Variants in GUCY2C observed in about 807,000 individuals in gnomAD.
The protein encoded by GUCY2C is guanylyl cyclase C.
In GUCY2C, 118 loss-of-function variants were observed where a neutral mutation model predicts 131.1. The ratio of observed to expected loss-of-function variants is 0.90; its 90% CI spans 0.78 to 1.05. GUCY2C has a LOEUF of 1.05. GUCY2C is among the 50% of genes least tolerant of loss of function. The pLI is 0.00. For synonymous variants in GUCY2C, 452 were observed against 457.8 expected (o/e 0.99, Z 0.16); for missense variants, 1,161 against 1,304.4 (o/e 0.89, Z 1.69).
chr12:14,671,462 CTCTT>C (rs1948109177), intron 9 of GUCY2C, among the ~76,000 whole-genome samples: 1 of 152,138 alleles, frequency 6.6e-6, no homozygotes, highest in Admixed American at 6.6e-5. Flanking sequence ...CATAACTTTA[CTCTT>C]TCTTTCTTTT....
At chr12:14,656,756 A>C in intron 11 of GUCY2C, 139 bp from the exon 12 acceptor site, 1 of 494,014 alleles carries the variant, frequency 2.0e-6, no homozygotes, top group Non-Finnish European at 3.7e-6. Flanking sequence ...ACAGAACACC[A>C]TGTCCTCCAA....
chr12:14,656,757 T>C (rs1947771084), intron 11 of GUCY2C, 140 bp from the exon 12 acceptor site: 1 of 495,538 alleles, frequency 2.0e-6, no homozygotes, highest in South Asian at 3.7e-5. Context: ...CAGAACACCA[T>C]GTCCTCCAAA....
chr12:14,624,756 A>G (rs1291995031), intron 21 of GUCY2C, among the ~76,000 whole-genome samples: 1 of 152,254 alleles, frequency 6.6e-6, no homozygotes, highest in Non-Finnish European at 1.5e-5. Context: ...AAATCCAATA[A>G]AAACATCTAC....
chr12:14,616,974 A>C (rs1467695100), intron 24 of GUCY2C, among the ~76,000 whole-genome samples: 1 of 152,070 alleles, frequency 6.6e-6, no homozygotes, highest in African/African-American at 2.4e-5. Context: ...CTGGCCCCCG[A>C]CCAGGTGTCT....
intron 16 of GUCY2C, 66 bp from the exon 17 acceptor site, chr12:14,643,772 G>GA (rs1220702406): frequency 6.9e-7 from 1 of 1,441,166 alleles, no homozygotes; most frequent in East Asian, 2.3e-5. Context: ...TTATTTTAAA[G>GA]AAAAAAGTGA....
At chr12:14,618,032 C>T (rs190859033) in intron 24 of GUCY2C, among the ~76,000 whole-genome samples, 36 of 152,274 alleles carry the variant, frequency 2.4e-4, no homozygotes, top group African/African-American at 7.5e-4. Context: ...CCTGTGGTTT[C>T]GTAAGCCCCA....
intron 10 of GUCY2C, among the ~76,000 whole-genome samples, chr12:14,661,671 G>T (rs1244448658): frequency 6.6e-6 from 1 of 152,054 alleles, no homozygotes; most frequent in Admixed American, 6.5e-5. Flanking sequence ...GGCCTCAAGC[G>T]ATCCGCCAAC....
intron 1 of GUCY2C, among the ~76,000 whole-genome samples, chr12:14,692,890 T>A (rs978290899): frequency 2.0e-5 from 3 of 152,070 alleles, no homozygotes; most frequent in Non-Finnish European, 2.9e-5. Flanking sequence ...ACCAAAATAT[T>A]TGAGAATGGC....
rs142982970 is a variant in GUCY2C at position 14,696,551 on chromosome 12, C to T, written c.-103G>A. The T allele has an allele frequency of 1.6e-4, 126 of 792,410 alleles. No homozygotes were observed. In the African/African-American group the frequency reaches 2.0e-3, roughly 12 times the overall value. 49.1% of individuals were successfully genotyped at this position (792,410 alleles called of 1,614,324 possible). A position where few individuals can be genotyped will look rare whatever the true frequency, so the allele number is the denominator to read the frequency against. On this transcript the variant is annotated 5_prime_UTR_variant, in exon 1 of 27. Transcript: ENST00000261170. ...CAGATGGACAGCCTCTAGTGGAGTC[C>T]CTCAGCCCACTCTTCCCCACGCTTC...
chr12:14,654,769 G>A (rs1202596940), intron 12 of GUCY2C, among the ~76,000 whole-genome samples: 4 of 152,140 alleles, frequency 2.6e-5, no homozygotes, highest in African/African-American at 9.7e-5. Context: ...GAGGTGGAGC[G>A]TGTGGGAGCC....
In GUCY2C at chr12:14,643,625, C is replaced by A. The variant is rs1340130610; in HGVS notation, c.1879G>T (p.Val627Leu). The A allele has an allele frequency of 1.2e-6, 2 of 1,613,622 alleles. No homozygotes were observed. The highest frequency in any genetic ancestry group is 1.7e-6 in the Non-Finnish European group (2 of 1,179,550). The change falls in exon 17 of 27, where the codon GTG (valine) becomes TTG (leucine). Residue 627 changes from valine to leucine, a missense_variant. Coordinates refer to ENST00000261170, the MANE Select transcript of GUCY2C (RefSeq NM_004963.4). ...CAGCCAAAATCAGTGATCTTCACCA[C>A]CATTCTACTGTCCACTACGCAGTTG... ...STNCVVDSRM[V>L]VKITDFGCNS...
chr12:14,618,190 T>C (rs1453938770), intron 24 of GUCY2C, among the ~76,000 whole-genome samples: 1 of 152,228 alleles, frequency 6.6e-6, no homozygotes, highest in Non-Finnish European at 1.5e-5. Flanking sequence ...ATATAACAAA[T>C]GCTTAGATTT....
Position 14,613,229 on chromosome 12 carries a change from C to G in GUCY2C, c.3110G>C (p.Arg1037Thr), listed in dbSNP as rs1242530414. Residue 1037 changes from arginine (R) to threonine (T), a missense_variant, in exon 27 of 27, where the codon AGA (arginine) becomes ACA (threonine). Coordinates refer to ENST00000261170, the MANE Select transcript of GUCY2C (RefSeq NM_004963.4). The surrounding 1 kb of genome is among the most constrained non-coding windows in gnomAD (Gnocchi z 4.9). ...TTGGCTTCTTATCCCTGCTGCCTGTCTTTTCTGTAAAGAGTTGGCAATCAT... is the reference window on the plus strand; with the variant it reads ...TTGGCTTCTTATCCCTGCTGCCTGTGTTTTCTGTAAAGAGTTGGCAATCAT... The part of the protein sequence containing the change: ...SDMIANSLQK[R>T]QAAGIRSQKP... The G allele has an allele frequency of 1.2e-6, 2 of 1,613,440 alleles. No individual in the cohort carries two copies. The highest frequency in any genetic ancestry group is 1.7e-6 in the Non-Finnish European group (2 of 1,179,510).
intron 8 of GUCY2C, 125 bp from the exon 9 acceptor site, chr12:14,673,083 T>G (rs1343441145): frequency 1.5e-6 from 1 of 650,060 alleles, no homozygotes; most frequent in East Asian, 2.7e-5. Flanking sequence ...AAAACATTGT[T>G]GACATTAATA....
At position 14,679,554 on chromosome 12, in the gene GUCY2C, T is replaced by C. The variant is rs1323017517; in HGVS notation, c.830+103A>G. 12 of 683,748 alleles carry C rather than the reference T, an allele frequency of 1.8e-5. No individual in the cohort carries two copies. The East Asian group carries it at 2.6e-4, about 15-fold the overall frequency. 42.4% of individuals were successfully genotyped at this position (683,748 alleles called of 1,614,324 possible). Reference sequence around the variant, plus strand: ...AATATTATCATCATACTTAACCCCATAAGGGGTTGTACAAAGCAAGAGAAA... The same window carrying C: ...AATATTATCATCATACTTAACCCCACAAGGGGTTGTACAAAGCAAGAGAAA... On this transcript the variant is annotated intron_variant, in intron 6 of 26. Coordinates refer to ENST00000261170, the MANE Select transcript of GUCY2C (RefSeq NM_004963.4).
intron 3 of GUCY2C, 92 bp downstream of exon 3, chr12:14,686,069 C>T (rs1948462581): frequency 1.3e-6 from 1 of 780,476 alleles, no homozygotes; most frequent in South Asian, 1.5e-5. Flanking sequence ...CTCAACACCT[C>T]TGATTGTGTT....
Position 14,683,371 on chromosome 12 carries a change from G to A in GUCY2C, c.396-114C>T, listed in dbSNP as rs7135270. The A allele has an allele frequency of 0.012, 7,979 of 675,904 alleles. 471 individuals are homozygous for A. The African/African-American group carries it at 0.13, about 11-fold the overall frequency. The allele number at this position is 675,904 out of a possible 1,614,324, so 41.9% of individuals were successfully genotyped here. A position where few individuals can be genotyped will look rare whatever the true frequency, so the allele number is the denominator to read the frequency against. On this transcript the variant is annotated intron_variant, in intron 3 of 26. Transcript: ENST00000261170. ...ATGTATAAATGGTAAGAATGAAATC[G>A]GATCATTAAAGCAGGTTTCTCATGT...
intron 15 of GUCY2C, among the ~76,000 whole-genome samples, chr12:14,650,472 T>G (rs956387858): frequency 6.6e-6 from 1 of 152,186 alleles, no homozygotes; most frequent in Admixed American, 6.5e-5. Flanking sequence ...GGTCTCGATC[T>G]CCTGACCTCA....
chr12:14,670,127 C>A (rs1948076000), intron 9 of GUCY2C, among the ~76,000 whole-genome samples: 3 of 152,184 alleles, frequency 2.0e-5, no homozygotes, highest in Admixed American at 2.0e-4. Flanking sequence ...TCAAGTATTT[C>A]ATTTTTCAAA....
Sources: allele counts gnomAD v4.1 joint callset (sites outside exome capture counted in the v4.1 genomes callset), GRCh38; gene constraint gnomAD v4.1.1; non-coding constraint Gnocchi (gnomAD v3.1); transcripts MANE v1.5; gene names NCBI Gene and HGNC (gene_info 2026-07-23, HGNC 2026-07-21).